The following DCDC2 variants were observed in gnomAD, a reference collection of about 807,000 sequenced individuals.
The protein encoded by DCDC2 is doublecortin domain containing 2, also known as doublecortin domain-containing protein 2.
In DCDC2, 40 loss-of-function variants were observed where a neutral mutation model predicts 50.2. That is an observed-to-expected ratio of 0.80 (90% CI 0.62 to 1.04). The LOEUF is 1.04. Among genes scored for constraint, DCDC2 ranks in the 50% least tolerant of loss-of-function variants. The pLI is 0.00. For missense variants in DCDC2, 570 were observed against 581.9 expected, an observed-to-expected ratio of 0.98 and a Z score of 0.21; for synonymous variants, 234 against 210.6, an observed-to-expected ratio of 1.11 and a Z score of -0.96.
At chr6:24,306,519 TAGATAGATAGATAGATAGATAGATAGAC>T (rs1431591196) in intron 2 of DCDC2, among the ~76,000 whole-genome samples, 3 of 135,508 alleles carry the variant, frequency 2.2e-5, no homozygotes, top group African/African-American at 8.7e-5. Flanking sequence ...GATAGATAGA[TAGATAGATAGATAGATAGATAGATAGAC>T]AGACAGACAG....
chr6:24,279,431 A>G (rs1039814161), intron 6 of DCDC2, among the ~76,000 whole-genome samples: 6 of 152,228 alleles, frequency 3.9e-5, no homozygotes, highest in African/African-American at 1.4e-4. Flanking sequence ...AATTAAAAAA[A>G]TCAGCCTGGC....
chr6:24,178,005 A>G lies in DCDC2; in HGVS notation c.1326+325T>C, dbSNP rs185788580. On this transcript the variant is annotated intron_variant, in intron 9 of 9. Transcript: ENST00000378454. ...GGTCTTAACTTATTCTTACTTTTTT[A>G]TATTTCTTTCTTGGATTATGTATGT... 9.8e-4 allele frequency among the ~76,000 whole-genome samples: 149 copies of G among 152,006 alleles called. 4 individuals carry two copies. Among genetic ancestry groups the G allele is most frequent in the Admixed American group, 7.5e-3 (115 of 15,288 alleles).
chr6:24,329,011 G>A (rs1759922609), intron 2 of DCDC2, among the ~76,000 whole-genome samples: 1 of 152,150 alleles, frequency 6.6e-6, no homozygotes. Flanking sequence ...ATAGGTCCTA[G>A]AATCAGGATT....
intron 7 of DCDC2, among the ~76,000 whole-genome samples, chr6:24,220,047 A>C (rs1403583639): frequency 6.6e-6 from 1 of 152,232 alleles, no homozygotes; most frequent in Non-Finnish European, 1.5e-5. Flanking sequence ...ACAAAAGAGA[A>C]GGAAAGTGAA....
At chr6:24,250,799 C>T (rs953599831) in intron 7 of DCDC2, among the ~76,000 whole-genome samples, 3 of 151,892 alleles carry the variant, frequency 2.0e-5, no homozygotes, top group Non-Finnish European at 2.9e-5. Context: ...CTACACCAGG[C>T]ACCAAAATTA....
At chr6:24,219,788 TGAG>T (rs1762059197) in intron 7 of DCDC2, among the ~76,000 whole-genome samples, 1 of 152,194 alleles carries the variant, frequency 6.6e-6, no homozygotes, top group African/African-American at 2.4e-5. Flanking sequence ...AGCAGGCTCA[TGAG>T]AAGACATGGG....
intron 7 of DCDC2, among the ~76,000 whole-genome samples, chr6:24,220,075 G>T (rs867727081): frequency 6.6e-6 from 1 of 152,148 alleles, no homozygotes; most frequent in African/African-American, 2.4e-5. Context: ...GCTACCCATC[G>T]CTCCTTTTCT....
chr6:24,373,419 G>T, the DCDC2 span, among the ~76,000 whole-genome samples: 1 of 152,202 alleles, frequency 6.6e-6, no homozygotes, highest in Non-Finnish European at 1.5e-5. Context: ...CAACTCAGCA[G>T]CATGCGTCAA....
intron 2 of DCDC2, among the ~76,000 whole-genome samples, chr6:24,326,128 A>G (rs1206913057): frequency 1.4e-5 from 2 of 146,652 alleles, no homozygotes; most frequent in African/African-American, 2.5e-5. Context: ...AGGGAGAAAA[A>G]TAAAAAGAAG....
chr6:24,379,292 T>A, the DCDC2 span, among the ~76,000 whole-genome samples: 4 of 152,200 alleles, frequency 2.6e-5, no homozygotes, highest in Non-Finnish European at 5.9e-5. Flanking sequence ...TCTATCCATC[T>A]GACAAAGGGC....
At chr6:24,182,590 C>A in intron 8 of DCDC2, among the ~76,000 whole-genome samples, 1 of 95,172 alleles carries the variant, frequency 1.1e-5, no homozygotes. Context: ...CAAATTAAAA[C>A]TGCAATAAGA....
intron 7 of DCDC2, among the ~76,000 whole-genome samples, chr6:24,219,533 G>A (rs867898629): frequency 1.3e-5 from 2 of 152,284 alleles, no homozygotes; most frequent in South Asian, 2.1e-4. Context: ...TTAGTAGATG[G>A]TAACATCAGT....
chr6:24,367,291 G>A, the DCDC2 span, among the ~76,000 whole-genome samples: 7 of 152,352 alleles, frequency 4.6e-5, no homozygotes, highest in Middle Eastern at 3.4e-3. Context: ...ACCTGGAACT[G>A]TTATTTTGAT....
chr6:24,326,731 T>C (rs1271609892), intron 2 of DCDC2, among the ~76,000 whole-genome samples: 1 of 148,452 alleles, frequency 6.7e-6, no homozygotes, highest in Non-Finnish European at 1.5e-5. Flanking sequence ...TGGTGGTACA[T>C]GCCTGTAGTC....
chr6:24,210,676 G>A (rs1338739810), intron 7 of DCDC2, among the ~76,000 whole-genome samples: 2 of 152,094 alleles, frequency 1.3e-5, no homozygotes, highest in African/African-American at 4.8e-5. Context: ...TTCCACTCTT[G>A]CTAGCTCATA....
chr6:24,334,438 T>C (rs1283864047), intron 2 of DCDC2, among the ~76,000 whole-genome samples: 2 of 152,154 alleles, frequency 1.3e-5, no homozygotes, highest in African/African-American at 2.4e-5. Flanking sequence ...CCAAATTCTG[T>C]CTATCTTCTG....
At chr6:24,205,426 C>A (rs1761699238) in intron 7 of DCDC2, 2 of 1,141,490 alleles carry the variant, frequency 1.8e-6, no homozygotes, top group East Asian at 2.6e-5. Flanking sequence ...CAAGTATCAT[C>A]CCAGTTCTCC....
At chr6:24,292,694 G>A (rs370527204) in intron 4 of DCDC2, among the ~76,000 whole-genome samples, 2 of 152,144 alleles carry the variant, frequency 1.3e-5, no homozygotes, top group Non-Finnish European at 1.5e-5. Flanking sequence ...ATAGTAAGAC[G>A]CTATCTCAAA....
intron 7 of DCDC2, among the ~76,000 whole-genome samples, chr6:24,235,623 A>G (rs557959133): frequency 2.0e-5 from 3 of 152,306 alleles, no homozygotes; most frequent in African/African-American, 4.8e-5. Context: ...AAAGTCTCAA[A>G]AAACTAGGCA....
Sources: allele counts gnomAD v4.1 joint callset (sites outside exome capture counted in the v4.1 genomes callset), GRCh38; gene constraint gnomAD v4.1.1; transcripts MANE v1.5; gene names NCBI Gene and HGNC (gene_info 2026-07-23, HGNC 2026-07-21).